Variants in KRABD4 observed in about 807,000 individuals in gnomAD.
KRABD4 encodes KRAB domain containing 4.
At chrX:46,459,036 G>A in the KRABD4 span, among the ~76,000 whole-genome samples, 354 of 111,957 alleles carry the variant, frequency 3.2e-3, 3 homozygotes, top group African/African-American at 0.011. Context: ...GGAGCAGCCG[G>A]GCATGGTGAC....
the KRABD4 span, among the ~76,000 whole-genome samples, chrX:46,457,895 C>T: frequency 9.1e-6 from 1 of 110,005 alleles, no homozygotes; most frequent in Admixed American, 9.7e-5. Context: ...GTGCCTGCCA[C>T]CACGCCCAGC....
chrX:46,457,705 A>G, the KRABD4 span, among the ~76,000 whole-genome samples: 2 of 87,974 alleles, frequency 2.3e-5, no homozygotes, highest in East Asian at 3.7e-4. Context: ...TGCTCCTCCT[A>G]TGCTTTTCTG....
the KRABD4 span, among the ~76,000 whole-genome samples, chrX:46,459,883 A>G: frequency 0.021 from 2,317 of 111,792 alleles, 58 homozygotes; most frequent in African/African-American, 0.07. Flanking sequence ...TTCCCTGGAC[A>G]CCAGCTCGGT....
At chrX:46,471,252 C>T in the KRABD4 span, 1 of 1,008,199 alleles carries the variant, frequency 9.9e-7, no homozygotes, top group Non-Finnish European at 1.3e-6. Flanking sequence ...TTGTAATGTC[C>T]CTCTTTGTGC....
the KRABD4 span, among the ~76,000 whole-genome samples, chrX:46,449,612 CGCTT>C: frequency 8.9e-6 from 1 of 111,885 alleles, no homozygotes; most frequent in Non-Finnish European, 1.9e-5. Context: ...GATCACACTG[CGCTT>C]GCTTTCTTGG....
the KRABD4 span, among the ~76,000 whole-genome samples, chrX:46,468,189 T>C: frequency 1.8e-5 from 2 of 111,786 alleles, no homozygotes; most frequent in East Asian, 5.5e-4. Context: ...TTGAAAAGAA[T>C]ATTCTTTCTT....
the KRABD4 span, among the ~76,000 whole-genome samples, chrX:46,462,132 A>G: frequency 8.9e-6 from 1 of 112,158 alleles, no homozygotes; most frequent in Non-Finnish European, 1.9e-5. Context: ...TTTCTCCTAT[A>G]AAGTTCAAAA....
At chrX:46,455,994 A>G in the KRABD4 span, 4 of 320,587 alleles carry the variant, frequency 1.2e-5, no homozygotes, top group African/African-American at 8.2e-5. Context: ...AAAACCTTCA[A>G]TGTAGGCAGG....
At chrX:46,458,995 G>GA in the KRABD4 span, among the ~76,000 whole-genome samples, 39,117 of 110,201 alleles carry the variant, frequency 0.35, 6,372 homozygotes, top group Non-Finnish European at 0.5. Flanking sequence ...TTGTCTAAGT[G>GA]AAAAAAACCA....
the KRABD4 span, among the ~76,000 whole-genome samples, chrX:46,458,677 G>A: frequency 5.4e-5 from 6 of 111,820 alleles, no homozygotes; most frequent in Non-Finnish European, 7.5e-5. Flanking sequence ...ATCAGCAGTT[G>A]CATTGATAGG....
chrX:46,473,147 G>T, the KRABD4 span: 10 of 1,187,908 alleles, frequency 8.4e-6, no homozygotes, highest in African/African-American at 1.4e-4. Flanking sequence ...AGTCAGAGAA[G>T]TCAAACTGGG....
chrX:46,457,295 G>T, the KRABD4 span: 38 of 160,904 alleles, frequency 2.4e-4, no homozygotes, highest in African/African-American at 1.1e-3. Flanking sequence ...GAGAAAGATT[G>T]TCAGATTAAA....
At chrX:46,464,683 G>A in the KRABD4 span, among the ~76,000 whole-genome samples, 3 of 112,398 alleles carry the variant, frequency 2.7e-5, no homozygotes, top group African/African-American at 9.7e-5. Context: ...CTGATGTGCT[G>A]ATGGTATGCT....
chrX:46,474,243 TCTATC>T, the KRABD4 span: 1 of 112,519 alleles, frequency 8.9e-6, no homozygotes, highest in East Asian at 2.8e-4. Flanking sequence ...GAATGAATCT[TCTATC>T]CAAGAAATTG....
the KRABD4 span, among the ~76,000 whole-genome samples, chrX:46,466,941 A>G: frequency 9.1e-6 from 1 of 110,479 alleles, no homozygotes; most frequent in African/African-American, 3.3e-5. Flanking sequence ...CCCAGGCTTG[A>G]CCTCTTTTCC....
At chrX:46,465,382 G>T in the KRABD4 span, among the ~76,000 whole-genome samples, 1 of 112,843 alleles carries the variant, frequency 8.9e-6, no homozygotes, top group Non-Finnish European at 1.9e-5. Flanking sequence ...AGCATGGACT[G>T]TGGAGCCACA....
the KRABD4 span, among the ~76,000 whole-genome samples, chrX:46,447,958 A>G: frequency 1.8e-5 from 2 of 111,476 alleles, no homozygotes; most frequent in Non-Finnish European, 3.8e-5. Context: ...GAAGGCACCC[A>G]TTTCTTCAGT....
chrX:46,471,089 G>T, the KRABD4 span: 8 of 1,133,730 alleles, frequency 7.1e-6, no homozygotes, highest in Non-Finnish European at 9.4e-6. Context: ...ATTATTGAGA[G>T]AAAGTGTTGA....
the KRABD4 span, chrX:46,456,485 G>T: frequency 5.7e-6 from 1 of 175,665 alleles, no homozygotes; most frequent in Non-Finnish European, 1.2e-5. Flanking sequence ...TTCTTACAAG[G>T]TTAGTAAAAG....
Sources: gnomAD v4.1 joint callset for allele counts (sites outside exome capture counted in the v4.1 genomes callset) on GRCh38, gnomAD v4.1.1 for gene constraint, MANE v1.5 for transcripts, NCBI Gene and HGNC (gene_info 2026-07-23, HGNC 2026-07-21) for gene names.